Variants in RNF25 observed in about 807,000 individuals in gnomAD.
The protein encoded by RNF25 is E3 ubiquitin-protein ligase RNF25.
Under a neutral mutation model 65.0 loss-of-function variants are expected in RNF25, and 32 were observed. That is an observed-to-expected ratio of 0.49 (90% CI 0.37 to 0.66). The LOEUF is 0.66. Among genes scored for constraint, RNF25 ranks in the 30% least tolerant of loss-of-function variants. The probability of loss-of-function intolerance (pLI) is 0.00; values close to 1 mark genes in which losing one functional copy is unlikely to be tolerated. For missense variants in RNF25, 493 were observed against 584.8 expected (o/e 0.84, Z 1.62); for synonymous variants, 207 against 221.2 (o/e 0.94, Z 0.57).
Position 218,664,021 on chromosome 2 carries a change from TG to T in RNF25, c.1315del (p.Gln439ArgfsTer?). 1 of 1,492,348 alleles carries T rather than the reference TG, an allele frequency of 6.7e-7. No individual in the cohort carries two copies. Among genetic ancestry groups the T allele is most frequent in the Non-Finnish European group, 8.9e-7 (1 of 1,121,084 alleles). 92.4% of individuals were successfully genotyped at this position (1,492,348 alleles called of 1,614,324 possible). On this transcript the variant is annotated frameshift_variant, in exon 10 of 10. Coordinates refer to ENST00000295704, the MANE Select transcript of RNF25 (RefSeq NM_022453.3). LOFTEE classifies it high-confidence loss of function. The surrounding 1 kb of genome is among the most constrained non-coding windows in gnomAD (Gnocchi z 5.1). The stretch of plus-strand genomic sequence containing the variant: ...CCGAGTACCAGGCCGGTATGCTCCC[TG>T]GCCCCGAGGCAGGCGAGGGTAGGAA... ...GSSYPRLPRG[Q>X]GAYRPGTRRE...
chr2:218,663,966 A>T lies in RNF25; in HGVS notation c.1371T>A (p.Asp457Glu). ...CCCCCACCAAGTCCTGCTAGGAACC[A>T]TCCTTAGATTCCAGGCCCAGGGACT... The part of the protein sequence containing the change: ...RRESLGLESK[D>E]GS Residue 457 changes from aspartate to glutamate, a missense_variant, in exon 10 of 10, where the codon GAT (aspartate) becomes GAA (glutamate). This residue lies in a region of RNF25 where 351 missense variants were observed against 400.2 expected (regional missense o/e 0.88). Coordinates refer to ENST00000295704, the MANE Select transcript of RNF25 (RefSeq NM_022453.3). The T allele has an allele frequency of 1.7e-5, 24 of 1,447,540 alleles. No homozygotes were observed. The highest frequency in any genetic ancestry group is 2.2e-5 in the Non-Finnish European group (24 of 1,098,348). The allele number at this position is 1,447,540 out of a possible 1,614,324, so 89.7% of individuals were successfully genotyped here.
Position 218,665,938 on chromosome 2 carries a change from C to T in RNF25, c.551G>A (p.Arg184Gln), listed in dbSNP as rs115176595. 15 of 1,613,936 alleles carry T rather than the reference C, an allele frequency of 9.3e-6. No individual in the cohort carries two copies. The African/African-American group carries it at 1.5e-4, about 16-fold the overall frequency. ...TACCTGTTTGGTTGTAGCATGCTGC[C>T]GTTCCTGTTCCTGCTCCTGTCCTTG... ...KAQGQEQEQE[R>Q]QHATTKQKAV... The change falls in exon 7 of 10, where the codon CGG becomes CAG. Residue 184 changes from arginine to glutamine, a missense_variant. Around this residue, in one of 3 missense-constraint regions of RNF25, gnomAD observed 351 missense variants for 400.2 expected, o/e 0.88. Coordinates refer to ENST00000295704, the MANE Select transcript of RNF25 (RefSeq NM_022453.3).
Position 218,668,623 on chromosome 2 carries a change from A to T in RNF25, c.98T>A (p.Val33Glu). The T allele has an allele frequency of 6.2e-7, 1 of 1,611,436 alleles. No homozygotes were observed. Among genetic ancestry groups the T allele is most frequent in the Non-Finnish European group, 8.5e-7 (1 of 1,177,648 alleles). The change falls in exon 2 of 10, where the codon GTG becomes GAG. Residue 33 changes from valine to glutamate, a missense_variant. Physicochemically the swap from Val to Glu is moderately radical, Grantham distance 121. Around this residue, in one of 3 missense-constraint regions of RNF25, gnomAD observed 108 missense variants for 166.0 expected, o/e 0.65. Transcript: ENST00000295704. ...LESIYLDELQ[V>E]IKGNGRTSPW... ...TACATACCTGCCATTTCCTTTAATC[A>T]CCTGTAGTTCATCTAGATAGATGGA... is the stretch of plus-strand genomic sequence containing the variant.
rs1257956871 is a variant in RNF25 at position 218,665,985 on chromosome 2, G to T, written c.504C>A (p.His168Gln). The T allele has an allele frequency of 1.2e-6, 2 of 1,614,200 alleles. No individual in the cohort carries two copies. The highest frequency in any genetic ancestry group is 3.3e-5 in the Admixed American group (2 of 60,016). ...CTTGTGCCTTCAGCTCTTGCTCCATGTGCTGGATGTACCGAGCAAGGCAGT... is the reference window on the plus strand; with the variant it reads ...CTTGTGCCTTCAGCTCTTGCTCCATTTGCTGGATGTACCGAGCAAGGCAGT... ...HCHCLARYIQ[H>Q]MEQELKAQGQ... is the part of the protein sequence containing the mutation. The change falls in exon 7 of 10, where the codon CAC (histidine) becomes CAA (glutamine). Residue 168 changes from histidine (H) to glutamine (Q), a missense_variant. By Grantham distance (24) the His-to-Gln change is conservative. Transcript: ENST00000295704.
At position 218,663,896 on chromosome 2, in the gene RNF25, G is replaced by T; in HGVS notation, c.*61C>A. On this transcript the variant is annotated 3_prime_UTR_variant, in exon 10 of 10. Transcript: ENST00000295704. ...TGCTAAGCAAAGAAAGCCAAAGAAG[G>T]CCAAATATCTTTATTGCCTCCCTCC... 1 of 1,325,428 alleles carries T rather than the reference G, an allele frequency of 7.5e-7. No individual in the cohort carries two copies. Among genetic ancestry groups the T allele is most frequent in the Non-Finnish European group, 1.0e-6 (1 of 999,636 alleles). The allele number at this position is 1,325,428 out of a possible 1,614,324, so 82.1% of individuals were successfully genotyped here.
At chr2:218,665,846 G>A in intron 7 of RNF25, 70 bp downstream of exon 7, 1 of 1,552,130 alleles carries the variant, frequency 6.4e-7, no homozygotes, top group South Asian at 1.2e-5. Context: ...CTGGAGTGGA[G>A]AGATGGAAAA....
At chr2:218,666,309 A>G in intron 5 of RNF25, 79 bp from the exon 6 acceptor site, 2 of 1,192,976 alleles carry the variant, frequency 1.7e-6, no homozygotes, top group Non-Finnish European at 2.4e-6. Flanking sequence ...CCTAGGAGTG[A>G]CTGGCTAGAC....
intron 5 of RNF25, among the ~76,000 whole-genome samples, chr2:218,667,185 AAATT>A (rs1939840247): frequency 6.7e-6 from 1 of 149,768 alleles, no homozygotes; most frequent in African/African-American, 2.5e-5. Context: ...AAAAAAATTA[AAATT>A]AATAAATAAA....
intron 1 of RNF25, among the ~76,000 whole-genome samples, chr2:218,669,818 G>A (rs1939908013): frequency 6.6e-6 from 1 of 152,212 alleles, no homozygotes; most frequent in Non-Finnish European, 1.5e-5. Flanking sequence ...ACACCTCACA[G>A]ATAACAGTGT....
At chr2:218,666,797 C>T (rs1340195147) in intron 5 of RNF25, among the ~76,000 whole-genome samples, 4 of 152,230 alleles carry the variant, frequency 2.6e-5, no homozygotes, top group Admixed American at 1.3e-4. Context: ...AGGACTGCTA[C>T]GGTGGCCTAT....
chr2:218,665,909 GGTCTACCTGTTTGGTT>G lies in RNF25; in HGVS notation c.564_573+6del. The stretch of plus-strand genomic sequence containing the variant: ...TCAGATGAGTGTGCAGGTGCAGTGA[GGTCTACCTGTTTGGTT>G]GTAGCATGCTGCCGTTCCTGTTCCT... On this transcript the variant is annotated splice_donor_variant and splice_donor_5th_base_variant and coding_sequence_variant and intron_variant, in exon 7 of 10. Coordinates refer to ENST00000295704, the MANE Select transcript of RNF25 (RefSeq NM_022453.3). LOFTEE classifies it high-confidence loss of function. 6.2e-7 allele frequency: 1 copy of G among 1,612,030 alleles called. No homozygotes were observed. Among genetic ancestry groups the G allele is most frequent in the Non-Finnish European group, 8.5e-7 (1 of 1,178,892 alleles).
At position 218,671,920 on chromosome 2, in the gene RNF25, C is replaced by A. The variant is rs200477624; in HGVS notation, c.41+10G>T. 6.7e-4 allele frequency: 1,084 copies of A among 1,614,100 alleles called. 3 individuals are homozygous for A. The highest frequency in any genetic ancestry group is 8.5e-4 in the Non-Finnish European group (999 of 1,180,042). The stretch of plus-strand genomic sequence containing the variant: ...AGGCTGTCAGCCAAAGCCCATGCCC[C>A]CAAAGTTACCAGTCCTCCTCCCCTG... On this transcript the variant is annotated intron_variant, in intron 1 of 9. Coordinates refer to ENST00000295704, the MANE Select transcript of RNF25 (RefSeq NM_022453.3).
At chr2:218,667,859 A>C (rs1252896487) in intron 5 of RNF25, 53 bp downstream of exon 5, 6 of 1,551,148 alleles carry the variant, frequency 3.9e-6, no homozygotes, top group Non-Finnish European at 4.4e-6. Flanking sequence ...TTACAGCTAG[A>C]AACTGCTCTA....
chr2:218,670,477 T>C (rs931582410), intron 1 of RNF25, among the ~76,000 whole-genome samples: 6 of 150,578 alleles, frequency 4.0e-5, no homozygotes, highest in Non-Finnish European at 7.4e-5. Flanking sequence ...GGGTGGATCA[T>C]GAAGTCAGGA....
chr2:218,671,539 G>A (rs1939972142), intron 1 of RNF25, among the ~76,000 whole-genome samples: 2 of 152,314 alleles, frequency 1.3e-5, no homozygotes, highest in Admixed American at 6.5e-5. Flanking sequence ...GCTGATCCAA[G>A]GGGAAAGGGG....
chr2:218,670,206 A>AAG (rs1199879186), intron 1 of RNF25, among the ~76,000 whole-genome samples: 3 of 151,456 alleles, frequency 2.0e-5, no homozygotes, highest in African/African-American at 7.3e-5. Flanking sequence ...CTCTTAAAAA[A>AAG]AAAAAAAAAA....
intron 7 of RNF25, among the ~76,000 whole-genome samples, chr2:218,665,668 A>G (rs185957412): frequency 6.6e-6 from 1 of 151,552 alleles, no homozygotes; most frequent in African/African-American, 2.4e-5. Flanking sequence ...GCTTGAACCC[A>G]GGAGGCGGAG....
rs752119086 is a variant in RNF25, at chr2:218,664,253, C to T, written c.1084G>A (p.Ala362Thr). The stretch of plus-strand genomic sequence containing the variant: ...TGGGTGTCACGGGTACCTTTAGGGG[C>T]GTGGCACTCCCCTCCCTTTGGGTGC... ...RRHPKGGECH[A>T]PKGTRDTQEL... Residue 362 changes from alanine (A) to threonine (T), a missense_variant, in exon 10 of 10, where the codon GCC becomes ACC. Physicochemically the swap from Ala to Thr is moderately conservative, Grantham distance 58. Coordinates refer to ENST00000295704, the MANE Select transcript of RNF25 (RefSeq NM_022453.3). This position sits in a 1 kb window ranked among gnomAD's most constrained non-coding sequence, Gnocchi z 5.1. The T allele has an allele frequency of 8.1e-6, 13 of 1,603,694 alleles. No homozygotes were observed. Among genetic ancestry groups the T allele is most frequent in the East Asian group, 4.5e-5 (2 of 44,806 alleles).
intron 1 of RNF25, among the ~76,000 whole-genome samples, chr2:218,671,507 A>C (rs1328932455): frequency 6.6e-6 from 1 of 152,166 alleles, no homozygotes; most frequent in Non-Finnish European, 1.5e-5. Context: ...GAGAAGGCTG[A>C]GGAAAGCGTC....
Sources: gnomAD v4.1 joint callset for allele counts (sites outside exome capture counted in the v4.1 genomes callset) on GRCh38, gnomAD v4.1.1 for gene constraint, gnomAD v4.1.1 regional missense constraint, Gnocchi (gnomAD v3.1) non-coding constraint, MANE v1.5 for transcripts, NCBI Gene and HGNC (gene_info 2026-07-23, HGNC 2026-07-21) for gene names.